Variants in SCCPDH observed in about 807,000 individuals in gnomAD.
The protein encoded by SCCPDH is saccharopine dehydrogenase (putative).
In SCCPDH, 34 loss-of-function variants were observed where a neutral mutation model predicts 51.5. The ratio of observed to expected loss-of-function variants is 0.66; its 90% CI spans 0.50 to 0.88. SCCPDH has a LOEUF of 0.88. Among genes scored for constraint, SCCPDH ranks in the 40% least tolerant of loss-of-function variants. SCCPDH has a pLI of 0.00. For synonymous variants in SCCPDH, 187 were observed against 191.3 expected, an observed-to-expected ratio of 0.98 and a Z score of 0.19; for missense variants, 464 against 527.1, an observed-to-expected ratio of 0.88 and a Z score of 1.17.
chr1:246,740,217 A>G lies in SCCPDH; in HGVS notation c.430A>G (p.Lys144Glu), dbSNP rs1668657409. 2 of 1,607,828 alleles carry G rather than the reference A, an allele frequency of 1.2e-6. No individual in the cohort carries two copies. Among genetic ancestry groups the G allele is most frequent in the Admixed American group, 1.7e-5 (1 of 59,856 alleles). ...QLKYHEKAAD[K>E]GVYIIGSSGF... is the part of the protein sequence containing the mutation. ...GAAGTATCATGAGAAAGCTGCAGACAAAGGGGTTTATATCATTGGAAGCAG... is the reference window on the plus strand; with the variant it reads ...GAAGTATCATGAGAAAGCTGCAGACGAAGGGGTTTATATCATTGGAAGCAG... Residue 144 changes from lysine (K) to glutamate (E), a missense_variant, in exon 4 of 12, where the codon AAA becomes GAA. Lys to Glu is a moderately conservative substitution (Grantham distance 56, BLOSUM62 1). Coordinates refer to ENST00000366510, the MANE Select transcript of SCCPDH (RefSeq NM_016002.3).
At chr1:246,728,011 A>G (rs1668428346) in intron 2 of SCCPDH, among the ~76,000 whole-genome samples, 1 of 149,008 alleles carries the variant, frequency 6.7e-6, no homozygotes, top group African/African-American at 2.5e-5. Flanking sequence ...TGAGCAATGG[A>G]ATGGTGCAAG....
intron 2 of SCCPDH, among the ~76,000 whole-genome samples, chr1:246,734,978 C>A (rs930556569): frequency 1.3e-5 from 2 of 152,226 alleles, no homozygotes; most frequent in African/African-American, 4.8e-5. Flanking sequence ...TGCAAACTCT[C>A]TTCTTCCTGT....
chr1:246,735,890 C>A, intron 2 of SCCPDH, 85 bp from the exon 3 acceptor site: 1 of 845,078 alleles, frequency 1.2e-6, no homozygotes, highest in Non-Finnish European at 2.0e-6. Flanking sequence ...ATAACTAGGA[C>A]TGTTTACTTC....
chr1:246,752,087 C>G (rs769651688), intron 5 of SCCPDH, among the ~76,000 whole-genome samples: 7 of 150,372 alleles, frequency 4.7e-5, no homozygotes, highest in Non-Finnish European at 8.9e-5. Context: ...GCTAATTCTC[C>G]TTTTTTTTTA....
chr1:246,744,622 T>G (rs903446843), intron 5 of SCCPDH, among the ~76,000 whole-genome samples: 7 of 150,436 alleles, frequency 4.7e-5, no homozygotes, highest in Non-Finnish European at 7.4e-5. Flanking sequence ...TGCCTGGCTA[T>G]TTTATTTTTT....
chr1:246,752,027 G>A (rs867954309), intron 5 of SCCPDH, among the ~76,000 whole-genome samples: 8 of 150,680 alleles, frequency 5.3e-5, no homozygotes, highest in African/African-American at 9.8e-5. Flanking sequence ...TGCTTCACCC[G>A]CCTCGGCCTC....
At chr1:246,764,409 T>C in intron 10 of SCCPDH, 52 bp downstream of exon 10, 1 of 948,712 alleles carries the variant, frequency 1.1e-6, no homozygotes, top group Non-Finnish European at 1.7e-6. Context: ...TCTTAAGCTA[T>C]AAAGTACAAT....
intron 3 of SCCPDH, among the ~76,000 whole-genome samples, chr1:246,736,873 C>T (rs747910383): frequency 3.9e-5 from 6 of 151,990 alleles, no homozygotes; most frequent in Admixed American, 2.0e-4. Context: ...AAAAATATAC[C>T]TATAGGGTAG....
At chr1:246,731,483 G>A (rs528053501) in intron 2 of SCCPDH, among the ~76,000 whole-genome samples, 198 of 152,348 alleles carry the variant, frequency 1.3e-3, no homozygotes, top group African/African-American at 4.5e-3. Context: ...GCCTGTGGCT[G>A]TAAGGCAGAG....
intron 8 of SCCPDH, 31 bp from the exon 9 acceptor site, chr1:246,760,140 A>C: frequency 6.3e-7 from 1 of 1,597,838 alleles, no homozygotes; most frequent in Non-Finnish European, 8.5e-7. Context: ...GTTTTAAAAA[A>C]ATATCACTGA....
intron 1 of SCCPDH, 79 bp downstream of exon 1, chr1:246,724,691 C>A: frequency 7.9e-7 from 1 of 1,258,884 alleles, no homozygotes; most frequent in Non-Finnish European, 1.0e-6. Flanking sequence ...GCGTTTCTCC[C>A]GCAGGGATGC....
intron 9 of SCCPDH, 51 bp downstream of exon 9, chr1:246,760,278 G>A (rs1668992968): frequency 1.4e-6 from 2 of 1,476,256 alleles, no homozygotes; most frequent in African/African-American, 2.8e-5. Flanking sequence ...TTTGTGCAAT[G>A]ACGGTATCAT....
chr1:246,734,054 A>C (rs891773179), intron 2 of SCCPDH, among the ~76,000 whole-genome samples: 1 of 152,192 alleles, frequency 6.6e-6, no homozygotes, highest in African/African-American at 2.4e-5. Context: ...ATCACCTGTG[A>C]GGCTTATTTA....
In SCCPDH at chr1:246,764,927, T is replaced by C. The variant is rs1276007482; in HGVS notation, c.1102+570T>C. On this transcript the variant is annotated intron_variant, in intron 10 of 11. Coordinates refer to ENST00000366510, the MANE Select transcript of SCCPDH (RefSeq NM_016002.3). ...GAGACAGACAGGTCCACTTGTGAAC[T>C]GTGGTATAATTACTGTCAGAGACAG... 3.3e-5 allele frequency among the ~76,000 whole-genome samples: 5 copies of C among 152,040 alleles called. No homozygotes were observed. In the South Asian group the frequency reaches 8.3e-4, roughly 25 times the overall value.
rs148593626 is a variant in SCCPDH at position 246,767,691 on chromosome 1, G to A, written c.*391G>A. 5.9e-3 allele frequency: 905 copies of A among 153,790 alleles called. 11 individuals are homozygous for A. Among genetic ancestry groups the A allele is most frequent in the African/African-American group, 0.02 (842 of 41,590 alleles). The allele number at this position is 153,790 out of a possible 1,614,324, so 9.5% of individuals were successfully genotyped here. ...CCGCTTGCCTTGCCGCAGTAGGAGG[G>A]AAATCTCACCTTCCTTCCACATACT... On this transcript the variant is annotated 3_prime_UTR_variant, in exon 12 of 12. Coordinates refer to ENST00000366510, the MANE Select transcript of SCCPDH (RefSeq NM_016002.3).
chr1:246,758,602 T>C (rs1668966095), intron 6 of SCCPDH, among the ~76,000 whole-genome samples: 1 of 152,226 alleles, frequency 6.6e-6, no homozygotes, highest in Non-Finnish European at 1.5e-5. Flanking sequence ...ACCATAAGCT[T>C]AAGTACTTCG....
intron 5 of SCCPDH, among the ~76,000 whole-genome samples, chr1:246,753,079 T>G (rs1159740960): frequency 6.6e-6 from 1 of 151,712 alleles, no homozygotes; most frequent in Non-Finnish European, 1.5e-5. Context: ...TTCTCTCTCC[T>G]TGACTCCTTC....
intron 1 of SCCPDH, 142 bp downstream of exon 1, chr1:246,724,754 T>C (rs1572290214): frequency 4.4e-6 from 3 of 687,054 alleles, no homozygotes; most frequent in Non-Finnish European, 4.5e-6. Context: ...GAGGGAGAGA[T>C]GTTTCAAATA....
intron 2 of SCCPDH, among the ~76,000 whole-genome samples, chr1:246,729,702 T>A (rs1026974525): frequency 1.3e-5 from 2 of 152,184 alleles, no homozygotes; most frequent in African/African-American, 4.8e-5. Flanking sequence ...CTTACAAAGA[T>A]GACAGGATTA....
Sources: allele counts gnomAD v4.1 joint callset (sites outside exome capture counted in the v4.1 genomes callset), GRCh38; gene constraint gnomAD v4.1.1; transcripts MANE v1.5; gene names NCBI Gene and HGNC (gene_info 2026-07-23, HGNC 2026-07-21).